FAR1: variants seen among roughly 807,000 people sequenced by gnomAD.
The protein encoded by FAR1 is fatty acyl-CoA reductase 1, also known as male sterility domain-containing protein 2.
Under a neutral mutation model 61.1 loss-of-function variants are expected in FAR1, and 22 were observed. The ratio of observed to expected loss-of-function variants is 0.36; its 90% CI spans 0.26 to 0.51. FAR1 has a LOEUF of 0.51. FAR1 is among the 20% of genes least tolerant of loss of function. The pLI is 0.95. For synonymous variants in FAR1, 206 were observed against 209.7 expected, an observed-to-expected ratio of 0.98 and a Z score of 0.15; for missense variants, 359 against 626.9, an observed-to-expected ratio of 0.57 and a Z score of 4.56.
Position 13,722,856 on chromosome 11 carries a change from CTCTA to C in FAR1, c.1257+999_1257+1002del, listed in dbSNP as rs1162747173. Among the ~76,000 whole-genome samples the C allele has an allele frequency of 2.9e-3, 415 of 140,956 alleles. 2 individuals carry two copies. The highest frequency in any genetic ancestry group is 0.01 in the East Asian group (51 of 4,932). The allele number at this position is 140,956 out of a possible 152,430, so 92.5% of individuals were successfully genotyped here. ...TTTAGATTTCTCCCTCTCTCTCTCT[CTCTA>C]TATATATATATATATATAAAATATG... On this transcript the variant is annotated intron_variant, in intron 10 of 11. Coordinates refer to ENST00000354817, the MANE Select transcript of FAR1 (RefSeq NM_032228.6).
At chr11:13,726,196 G>A (rs1435744582) in intron 10 of FAR1, among the ~76,000 whole-genome samples, 1 of 151,940 alleles carries the variant, frequency 6.6e-6, no homozygotes, top group African/African-American at 2.4e-5. Context: ...TATATATTAA[G>A]CCACACAAGC....
At chr11:13,684,843 T>C (rs1369503662) in intron 1 of FAR1, among the ~76,000 whole-genome samples, 2 of 152,254 alleles carry the variant, frequency 1.3e-5, no homozygotes, top group Non-Finnish European at 2.9e-5. Flanking sequence ...AGTTACAGTA[T>C]ATATTTTCAA....
At chr11:13,720,320 C>T (rs960374731) in intron 9 of FAR1, 1 of 151,874 alleles carries the variant, frequency 6.6e-6, no homozygotes, top group South Asian at 2.1e-4. Flanking sequence ...GCTAAACTGG[C>T]GTGATAGTAT....
intron 1 of FAR1, among the ~76,000 whole-genome samples, chr11:13,693,341 C>T (rs1278127343): frequency 6.6e-6 from 1 of 152,084 alleles, no homozygotes; most frequent in Non-Finnish European, 1.5e-5. Flanking sequence ...GTATTCTGAG[C>T]GCTATAAATG....
intron 2 of FAR1, 103 bp downstream of exon 2, chr11:13,695,057 A>C: frequency 1.0e-6 from 1 of 974,976 alleles, no homozygotes; most frequent in Non-Finnish European, 1.4e-6. Flanking sequence ...CAGTATTCTG[A>C]AAAAATTAGT....
At chr11:13,696,388 G>A (rs1045746046) in intron 2 of FAR1, among the ~76,000 whole-genome samples, 1 of 152,120 alleles carries the variant, frequency 6.6e-6, no homozygotes, top group African/African-American at 2.4e-5. Flanking sequence ...AGTGATAGAC[G>A]TGTCAGGAGT....
intron 2 of FAR1, 108 bp from the exon 3 acceptor site, chr11:13,700,209 T>G: frequency 1.3e-6 from 1 of 795,606 alleles, no homozygotes; most frequent in Non-Finnish European, 2.0e-6. Context: ...ATTGTATAGT[T>G]TAAGTTTCTA....
intron 1 of FAR1, 107 bp from the exon 2 acceptor site, chr11:13,694,652 A>G: frequency 1.1e-6 from 1 of 943,948 alleles, no homozygotes; most frequent in South Asian, 1.8e-5. Context: ...TTCTATTTTG[A>G]CTTTTGTCTG....
intron 1 of FAR1, among the ~76,000 whole-genome samples, chr11:13,685,975 C>G (rs1010450012): frequency 6.6e-6 from 1 of 152,124 alleles, no homozygotes; most frequent in African/African-American, 2.4e-5. Flanking sequence ...TATTTTAACC[C>G]CTTCACTTTC....
intron 1 of FAR1, among the ~76,000 whole-genome samples, chr11:13,682,920 C>T (rs1167780355): frequency 6.6e-6 from 1 of 152,124 alleles, no homozygotes; most frequent in Admixed American, 6.5e-5. Context: ...CCAGTTCCCC[C>T]TTTTAAAGGG....
chr11:13,722,909 G>A (rs1010086579), intron 10 of FAR1, among the ~76,000 whole-genome samples: 3 of 150,296 alleles, frequency 2.0e-5, no homozygotes, highest in African/African-American at 7.4e-5. Flanking sequence ...CAATATCTGT[G>A]CTTTCAGATT....
intron 1 of FAR1, among the ~76,000 whole-genome samples, chr11:13,678,365 T>TG (rs1848089990): frequency 6.6e-6 from 1 of 152,132 alleles, no homozygotes; most frequent in Non-Finnish European, 1.5e-5. Flanking sequence ...CCTGGGTTCA[T>TG]GCCATTCTCC....
At chr11:13,710,360 CT>C (rs1171265278) in intron 4 of FAR1, among the ~76,000 whole-genome samples, 7 of 151,962 alleles carry the variant, frequency 4.6e-5, no homozygotes, top group South Asian at 2.1e-4. Context: ...GTTAGTATCC[CT>C]GATCAAATAC....
intron 9 of FAR1, chr11:13,720,709 C>G (rs1848601551): frequency 6.6e-6 from 1 of 151,932 alleles, no homozygotes; most frequent in Admixed American, 6.6e-5. Context: ...TTCTAAAACC[C>G]CTAATTTTGA....
chr11:13,717,185 TC>T (rs1277751887), intron 9 of FAR1, among the ~76,000 whole-genome samples: 2 of 151,474 alleles, frequency 1.3e-5, no homozygotes, highest in Non-Finnish European at 2.9e-5. Context: ...CCGCCCCAGA[TC>T]CCTGTGGCAT....
chr11:13,705,170 C>T (rs534232794), intron 3 of FAR1, among the ~76,000 whole-genome samples: 131 of 152,114 alleles, frequency 8.6e-4, no homozygotes, highest in African/African-American at 2.6e-3. Context: ...CTCCCAAAAG[C>T]CTGTCTTACC....
At position 13,694,745 on chromosome 11, in the gene FAR1, C is replaced by A. The variant is rs1848289915; in HGVS notation, c.-7-14C>A. The A allele has an allele frequency of 1.3e-6, 2 of 1,590,618 alleles. No individual in the cohort carries two copies. The highest frequency in any genetic ancestry group is 8.6e-7 in the Non-Finnish European group (1 of 1,167,388). On this transcript the variant is annotated splice_polypyrimidine_tract_variant and intron_variant, in intron 1 of 11. Transcript: ENST00000354817. ...AATCCTTAAACTAATGCTTATTTGCCATGTTTTTCTTAGGATCAAAATGGT... is the reference window on the plus strand; with the variant it reads ...AATCCTTAAACTAATGCTTATTTGCAATGTTTTTCTTAGGATCAAAATGGT...
intron 11 of FAR1, among the ~76,000 whole-genome samples, 156 bp from the exon 12 acceptor site, chr11:13,728,456 T>C (rs1037894494): frequency 5.3e-5 from 8 of 151,950 alleles, no homozygotes; most frequent in African/African-American, 1.9e-4. Context: ...TCAAGGTACA[T>C]ATCTGTTTTA....
intron 1 of FAR1, chr11:13,685,634 G>A (rs187299128): frequency 3.2e-4 from 62 of 196,522 alleles, no homozygotes; most frequent in African/African-American, 1.3e-3. Context: ...CACTTAATCC[G>A]GAAACTCTTG....
Sources: allele counts gnomAD v4.1 joint callset (sites outside exome capture counted in the v4.1 genomes callset), GRCh38; gene constraint gnomAD v4.1.1; transcripts MANE v1.5; gene names NCBI Gene and HGNC (gene_info 2026-07-23, HGNC 2026-07-21).